Variants in APBB2 observed in about 807,000 individuals in gnomAD.
The protein encoded by APBB2 is amyloid beta precursor protein binding family B member 2, also known as Fe65-like 1.
Under a neutral mutation model 82.5 loss-of-function variants are expected in APBB2, and 38 were observed. The ratio of observed to expected loss-of-function variants is 0.46; its 90% CI spans 0.36 to 0.60. The LOEUF is 0.60. Among genes scored for constraint, APBB2 ranks in the 20% least tolerant of loss-of-function variants. The probability of loss-of-function intolerance (pLI) is 0.00; values close to 1 mark genes in which losing one functional copy is unlikely to be tolerated. For synonymous variants in APBB2, 341 were observed against 368.2 expected (o/e 0.93, Z 0.85); for missense variants, 772 against 972.3 (o/e 0.79, Z 2.74).
At chr4:41,019,536 A>G (rs1304316939) in intron 5 of APBB2, among the ~76,000 whole-genome samples, 1 of 152,160 alleles carries the variant, frequency 6.6e-6, no homozygotes, top group Non-Finnish European at 1.5e-5. Context: ...ATGGTGTAGA[A>G]GGAAACTTAA....
At position 41,113,778 on chromosome 4, in the gene APBB2, A is replaced by G. The variant is rs540990186; in HGVS notation, c.-260-13028T>C. 1.2e-4 allele frequency among the ~76,000 whole-genome samples: 19 copies of G among 152,250 alleles called. No individual in the cohort carries two copies. The South Asian group carries it at 3.3e-3, about 27-fold the overall frequency. The stretch of plus-strand genomic sequence containing the variant: ...CCTTATTTTTTTGGAGATGGATGCT[A>G]AAGTATTGAGGGTTAAAATGTCATG... On this transcript the variant is annotated intron_variant, in intron 2 of 17. Transcript: ENST00000508593.
intron 6 of APBB2, among the ~76,000 whole-genome samples, chr4:41,010,893 C>T (rs1185731802): frequency 6.6e-6 from 1 of 152,014 alleles, no homozygotes; most frequent in Non-Finnish European, 1.5e-5. Flanking sequence ...ATAATGAACC[C>T]GCACGTACCC....
intron 1 of APBB2, among the ~76,000 whole-genome samples, chr4:41,161,295 C>A (rs1765101791): frequency 6.6e-6 from 1 of 151,912 alleles, no homozygotes; most frequent in Admixed American, 6.6e-5. Context: ...TGAGTCCAAG[C>A]CCAAAGTCTC....
chr4:41,083,237 A>G (rs898781105), intron 3 of APBB2, among the ~76,000 whole-genome samples: 3 of 152,188 alleles, frequency 2.0e-5, no homozygotes, highest in Non-Finnish European at 4.4e-5. Context: ...GAATAAAAAA[A>G]TAAGTAGACC....
intron 4 of APBB2, among the ~76,000 whole-genome samples, chr4:41,041,682 A>G (rs1163680592): frequency 2.6e-5 from 4 of 152,232 alleles, no homozygotes; most frequent in African/African-American, 9.6e-5. Context: ...TCGCAAAAAT[A>G]CTTAAGGACA....
chr4:40,858,128 T>C (rs1017249703), intron 12 of APBB2, among the ~76,000 whole-genome samples: 3 of 151,982 alleles, frequency 2.0e-5, no homozygotes, highest in African/African-American at 7.3e-5. Flanking sequence ...TCCCCCCATA[T>C]ACATGGAAGC....
chr4:41,153,728 A>G (rs1762822307), intron 1 of APBB2, among the ~76,000 whole-genome samples: 2 of 152,216 alleles, frequency 1.3e-5, no homozygotes, highest in Non-Finnish European at 2.9e-5. Flanking sequence ...AGTTTCATGC[A>G]GATCTAAAAA....
chr4:41,195,515 A>G, intron 1 of APBB2, among the ~76,000 whole-genome samples: 1 of 152,118 alleles, frequency 6.6e-6, no homozygotes, highest in Non-Finnish European at 1.5e-5. Flanking sequence ...TTACCACACA[A>G]GAGCCTCGCC....
intron 4 of APBB2, among the ~76,000 whole-genome samples, chr4:41,052,379 G>T (rs1726316253): frequency 6.6e-6 from 1 of 152,120 alleles, no homozygotes; most frequent in Non-Finnish European, 1.5e-5. Context: ...CCCAAGCAGG[G>T]CACCACACCA....
chr4:40,980,388 A>G (rs1182006238), intron 6 of APBB2, among the ~76,000 whole-genome samples: 1 of 152,096 alleles, frequency 6.6e-6, no homozygotes, highest in Non-Finnish European at 1.5e-5. Context: ...CCATCTCCTC[A>G]TTATTTCTTT....
intron 10 of APBB2, among the ~76,000 whole-genome samples, chr4:40,918,866 C>T (rs1297568580): frequency 6.6e-6 from 1 of 152,040 alleles, no homozygotes; most frequent in Non-Finnish European, 1.5e-5. Flanking sequence ...CCACCTCGGC[C>T]TCCCAGAGTG....
chr4:41,153,645 A>C (rs1198087798), intron 1 of APBB2, among the ~76,000 whole-genome samples: 1 of 152,196 alleles, frequency 6.6e-6, no homozygotes, highest in Non-Finnish European at 1.5e-5. Context: ...TTAAAACCTA[A>C]ATCCTGCATT....
intron 4 of APBB2, among the ~76,000 whole-genome samples, chr4:41,042,811 C>T (rs1722031088): frequency 6.6e-6 from 1 of 152,188 alleles, no homozygotes; most frequent in South Asian, 2.1e-4. Context: ...TGAGAAGAAC[C>T]ACTCAGCCAT....
intron 1 of APBB2, among the ~76,000 whole-genome samples, chr4:41,156,347 T>C (rs923598218): frequency 6.6e-6 from 1 of 152,190 alleles, no homozygotes; most frequent in African/African-American, 2.4e-5. Context: ...ATTTTTAACA[T>C]AAAAGAAAAA....
intron 6 of APBB2, among the ~76,000 whole-genome samples, chr4:40,972,256 G>A (rs1222617596): frequency 3.3e-5 from 5 of 151,364 alleles, no homozygotes; most frequent in African/African-American, 9.7e-5. Context: ...GTGAAACCCC[G>A]TCTCCACTAA....
intron 7 of APBB2, among the ~76,000 whole-genome samples, chr4:40,940,328 A>C (rs1369372508): frequency 6.6e-6 from 1 of 152,190 alleles, no homozygotes; most frequent in Non-Finnish European, 1.5e-5. Flanking sequence ...CTACTTACTC[A>C]GCGTAAATCA....
At chr4:41,042,940 AT>A (rs1560597344) in intron 4 of APBB2, among the ~76,000 whole-genome samples, 3 of 152,366 alleles carry the variant, frequency 2.0e-5, no homozygotes, top group Non-Finnish European at 4.4e-5. Context: ...ACCAAATGAG[AT>A]TGTAGAAGAG....
At chr4:40,919,201 C>T (rs1179148637) in intron 10 of APBB2, among the ~76,000 whole-genome samples, 2 of 151,594 alleles carry the variant, frequency 1.3e-5, no homozygotes, top group Non-Finnish European at 2.9e-5. Context: ...ATTCATTCTA[C>T]GTTAAGTAAA....
chr4:40,850,945 CA>C (rs903492546), intron 12 of APBB2, among the ~76,000 whole-genome samples: 6 of 150,348 alleles, frequency 4.0e-5, no homozygotes, highest in Non-Finnish European at 5.9e-5. Flanking sequence ...GACCCCGTCT[CA>C]AAAAAAAAAT....
Sources: gnomAD v4.1 joint callset for allele counts (sites outside exome capture counted in the v4.1 genomes callset) on GRCh38, gnomAD v4.1.1 for gene constraint, MANE v1.5 for transcripts, NCBI Gene and HGNC (gene_info 2026-07-23, HGNC 2026-07-21) for gene names.